ZHX2: variants seen among roughly 807,000 people sequenced by gnomAD.
ZHX2 encodes zinc fingers and homeoboxes protein 2.
A neutral mutation model predicts 21.9 loss-of-function variants in ZHX2; 6 were observed. The ratio of observed to expected loss-of-function variants is 0.27; its 90% CI spans 0.15 to 0.54. The LOEUF is 0.54. Ranked by LOEUF, ZHX2 falls within the 20% of genes least tolerant of loss-of-function variation. The pLI, the probability that ZHX2 is intolerant of heterozygous loss-of-function variation, is 0.95. For missense variants in ZHX2, 908 were observed against 1,090.7 expected (o/e 0.83, Z 2.36); for synonymous variants, 434 against 437.1 (o/e 0.99, Z 0.09).
At chr8:122,786,132 G>A (rs2130515681) in intron 1 of ZHX2, among the ~76,000 whole-genome samples, 1 of 152,316 alleles carries the variant, frequency 6.6e-6, no homozygotes, top group South Asian at 2.1e-4. Context: ...AGCTGTTACA[G>A]GGAGGCAATC....
intron 2 of ZHX2, among the ~76,000 whole-genome samples, chr8:122,914,458 G>A (rs1033573524): frequency 3.3e-5 from 5 of 152,172 alleles, no homozygotes; most frequent in African/African-American, 1.2e-4. Flanking sequence ...TTATTTCTCA[G>A]CCACGCCTCC....
At chr8:122,956,033 C>CG (rs1419364572) in intron 3 of ZHX2, among the ~76,000 whole-genome samples, 1 of 151,900 alleles carries the variant, frequency 6.6e-6, no homozygotes, top group Admixed American at 6.6e-5. Context: ...TTAGTAGAGA[C>CG]GGGGTTTTGC....
At chr8:122,963,937 A>G (rs749939489) in intron 3 of ZHX2, among the ~76,000 whole-genome samples, 1 of 151,396 alleles carries the variant, frequency 6.6e-6, no homozygotes, top group Admixed American at 6.6e-5. Flanking sequence ...TGAGTTCTTG[A>G]TTTGACTCTC....
chr8:122,889,512 C>A (rs937111426), intron 2 of ZHX2, among the ~76,000 whole-genome samples: 14 of 152,170 alleles, frequency 9.2e-5, no homozygotes, highest in African/African-American at 3.4e-4. Context: ...TACTTCTTGG[C>A]CATATGAATA....
At chr8:122,926,920 C>T (rs1223447594) in intron 2 of ZHX2, among the ~76,000 whole-genome samples, 1 of 152,148 alleles carries the variant, frequency 6.6e-6, no homozygotes, top group African/African-American at 2.4e-5. Context: ...TAGGGCCCAC[C>T]CAGATCATCC....
At chr8:122,802,182 G>A (rs1442300403) in intron 1 of ZHX2, among the ~76,000 whole-genome samples, 1 of 152,112 alleles carries the variant, frequency 6.6e-6, no homozygotes, top group African/African-American at 2.4e-5. Context: ...TCCTGCCTCA[G>A]CCTCCCGAGT....
chr8:122,823,780 CTG>C (rs1323534179), intron 1 of ZHX2, among the ~76,000 whole-genome samples: 1 of 152,216 alleles, frequency 6.6e-6, no homozygotes, highest in Non-Finnish European at 1.5e-5. Flanking sequence ...CCAGTTACGG[CTG>C]CTGTTGACAC....
chr8:122,868,973 G>A (rs926194143), intron 2 of ZHX2, among the ~76,000 whole-genome samples: 2 of 152,210 alleles, frequency 1.3e-5, no homozygotes, highest in Non-Finnish European at 2.9e-5. Flanking sequence ...GGACTCCTGG[G>A]TTATTGAGTG....
At chr8:122,950,419 G>C (rs1056780522) in intron 2 of ZHX2, among the ~76,000 whole-genome samples, 1 of 152,020 alleles carries the variant, frequency 6.6e-6, no homozygotes, top group Non-Finnish European at 1.5e-5. Context: ...ACCGGGGCCT[G>C]TTGGGGGATG....
intron 2 of ZHX2, among the ~76,000 whole-genome samples, chr8:122,882,307 A>G (rs574591825): frequency 2.0e-5 from 3 of 151,604 alleles, no homozygotes; most frequent in African/African-American, 7.3e-5. Flanking sequence ...CTTCAAACAC[A>G]CACACACAGA....
intron 2 of ZHX2, among the ~76,000 whole-genome samples, chr8:122,908,791 G>A (rs143140503): frequency 1.2e-3 from 187 of 152,318 alleles, no homozygotes; most frequent in African/African-American, 4.2e-3. Flanking sequence ...AAGGCAAAGG[G>A]AAGACTTGCT....
intron 2 of ZHX2, among the ~76,000 whole-genome samples, chr8:122,901,550 C>T (rs1242028297): frequency 1.3e-5 from 2 of 152,198 alleles, no homozygotes. Context: ...CCCTGGTGAT[C>T]TTTGTTCTCT....
At chr8:122,906,177 A>G (rs773104578) in intron 2 of ZHX2, among the ~76,000 whole-genome samples, 1 of 152,262 alleles carries the variant, frequency 6.6e-6, no homozygotes, top group African/African-American at 2.4e-5. Flanking sequence ...ACTTAACTCT[A>G]ATAGCTATTT....
At position 122,953,078 on chromosome 8, in the gene ZHX2, A is replaced by T. The variant is rs754559925; in HGVS notation, c.1568A>T (p.His523Leu). The part of the protein sequence containing the change: ...IAASRHGRTY[H>L]AYPDFAPQKF... ...GCCTCCCGACACGGTCGCACGTATC[A>T]TGCGTACCCAGACTTTGCCCCCCAG... Residue 523 changes from histidine (H) to leucine (L), a missense_variant, in exon 3 of 4, where the codon CAT (histidine) becomes CTT (leucine). Physicochemically the swap from His to Leu is moderately conservative, Grantham distance 99. Coordinates refer to ENST00000314393, the MANE Select transcript of ZHX2 (RefSeq NM_014943.5). This position sits in a 1 kb window ranked among gnomAD's most constrained non-coding sequence, Gnocchi z 4.6. The T allele has an allele frequency of 2.5e-6, 4 of 1,614,032 alleles. No homozygotes were observed. The highest frequency in any genetic ancestry group is 2.5e-6 in the Non-Finnish European group (3 of 1,180,032).
At chr8:122,887,375 G>C (rs1005131749) in intron 2 of ZHX2, among the ~76,000 whole-genome samples, 1 of 151,746 alleles carries the variant, frequency 6.6e-6, no homozygotes, top group Non-Finnish European at 1.5e-5. Flanking sequence ...AAAAGTAGCC[G>C]GGTGTGGTGG....
chr8:122,873,121 G>A (rs1819480666), intron 2 of ZHX2, among the ~76,000 whole-genome samples: 1 of 152,320 alleles, frequency 6.6e-6, no homozygotes, highest in Non-Finnish European at 1.5e-5. Flanking sequence ...GGAAATTGGG[G>A]AGAGGGAATA....
At chr8:122,910,667 C>T (rs895137549) in intron 2 of ZHX2, among the ~76,000 whole-genome samples, 1 of 152,090 alleles carries the variant, frequency 6.6e-6, no homozygotes, top group Non-Finnish European at 1.5e-5. Context: ...TGGGGCAGTA[C>T]GGACCAACCC....
intron 1 of ZHX2, among the ~76,000 whole-genome samples, chr8:122,849,010 T>C (rs897456313): frequency 6.6e-6 from 1 of 152,236 alleles, no homozygotes; most frequent in African/African-American, 2.4e-5. Context: ...GCCTGTGAAC[T>C]AAAACCGCCA....
chr8:122,805,705 G>A (rs10505427), intron 1 of ZHX2, among the ~76,000 whole-genome samples: 10,213 of 152,222 alleles, frequency 0.067, 532 homozygotes, highest in African/African-American at 0.14. Context: ...GCCCTGTATA[G>A]GCATCATCTC....
Sources: gnomAD v4.1 joint callset for allele counts (sites outside exome capture counted in the v4.1 genomes callset) on GRCh38, gnomAD v4.1.1 for gene constraint, Gnocchi (gnomAD v3.1) non-coding constraint, MANE v1.5 for transcripts, NCBI Gene and HGNC (gene_info 2026-07-23, HGNC 2026-07-21) for gene names.